Variants in SEMA5B observed in about 807,000 individuals in gnomAD.
The protein encoded by SEMA5B is semaphorin 5B, also known as semaphorin-5B.
A neutral mutation model predicts 135.0 loss-of-function variants in SEMA5B; 66 were observed. The observed-to-expected ratio is 0.49, with a 90% CI of 0.40 to 0.60. The LOEUF is 0.60. Among genes scored for constraint, SEMA5B ranks in the 20% least tolerant of loss-of-function variants. The pLI is 0.00. For missense variants in SEMA5B, 1,501 were observed against 1,566.3 expected (o/e 0.96, Z 0.70); for synonymous variants, 690 against 639.5 (o/e 1.08, Z -1.19).
chr3:122,918,189 G>C (rs1938171578), intron 12 of SEMA5B, among the ~76,000 whole-genome samples: 1 of 152,188 alleles, frequency 6.6e-6, no homozygotes, highest in Admixed American at 6.5e-5. Context: ...TGCCAGCAGA[G>C]AAAATGGGTA....
At chr3:122,939,594 C>A in intron 4 of SEMA5B, 124 bp from the exon 5 acceptor site, 1 of 699,444 alleles carries the variant, frequency 1.4e-6, no homozygotes, top group African/African-American at 1.8e-5. Flanking sequence ...GGGTCAACCC[C>A]TAAGGAGAGC....
In SEMA5B at chr3:122,909,894, G is replaced by A. The variant is rs1030414245; in HGVS notation, c.*249C>T. The A allele has an allele frequency of 7.4e-5, 35 of 475,162 alleles. No homozygotes were observed. Among genetic ancestry groups the A allele is most frequent in the Non-Finnish European group, 1.3e-4 (34 of 266,092 alleles). 29.4% of individuals were successfully genotyped at this position (475,162 alleles called of 1,614,324 possible). A position where few individuals can be genotyped will look rare whatever the true frequency, so the allele number is the denominator to read the frequency against. ...GCAGCATAGTGTCAGCGTGACAGTG[G>A]GTTGGAAGATAACCATGAGAGACCT... On this transcript the variant is annotated 3_prime_UTR_variant, in exon 23 of 23. Coordinates refer to ENST00000357599, the MANE Select transcript of SEMA5B (RefSeq NM_001031702.4).
chr3:122,928,826 G>A (rs1488282087), intron 6 of SEMA5B, among the ~76,000 whole-genome samples, 170 bp downstream of exon 6: 1 of 151,566 alleles, frequency 6.6e-6, no homozygotes, highest in Non-Finnish European at 1.5e-5. Flanking sequence ...CAGATGCTCA[G>A]GACCAGCTCG....
chr3:122,948,418 A>G (rs1171895890), intron 3 of SEMA5B, 88 bp downstream of exon 3: 1 of 1,172,922 alleles, frequency 8.5e-7, no homozygotes, highest in Non-Finnish European at 1.2e-6. Context: ...AGGACATCCA[A>G]CAGCCAGAAA....
chr3:122,968,267 A>G (rs1001988094), intron 1 of SEMA5B, among the ~76,000 whole-genome samples: 1 of 152,192 alleles, frequency 6.6e-6, no homozygotes, highest in Non-Finnish European at 1.5e-5. Context: ...TTCTGCATCT[A>G]TGCCACTCCT....
At chr3:122,942,333 A>G (rs1054522996) in intron 4 of SEMA5B, among the ~76,000 whole-genome samples, 4 of 152,140 alleles carry the variant, frequency 2.6e-5, no homozygotes, top group African/African-American at 9.7e-5. Flanking sequence ...TTCATACAGC[A>G]AATGAAGGGG....
chr3:122,983,654 C>A (rs1027488479), intron 1 of SEMA5B, among the ~76,000 whole-genome samples: 3 of 127,384 alleles, frequency 2.4e-5, no homozygotes, highest in African/African-American at 6.0e-5. Flanking sequence ...GGAGGCGGAG[C>A]TTGCAGTGAA....
chr3:123,010,713 G>A (rs1185864990), intron 1 of SEMA5B, among the ~76,000 whole-genome samples: 1 of 151,602 alleles, frequency 6.6e-6, no homozygotes, highest in Non-Finnish European at 1.5e-5. Flanking sequence ...AGGAGGCTGA[G>A]GCAGGAGGAT....
intron 1 of SEMA5B, among the ~76,000 whole-genome samples, chr3:123,010,513 G>A (rs767788033): frequency 1.1e-4 from 16 of 152,090 alleles, no homozygotes; most frequent in African/African-American, 2.9e-4. Context: ...GAAGTGGTCC[G>A]TTAAAAAATG....
intron 2 of SEMA5B, 30 bp from the exon 3 acceptor site, chr3:122,948,739 C>G (rs117502153): frequency 5.2e-6 from 8 of 1,547,976 alleles, no homozygotes; most frequent in Non-Finnish European, 7.0e-6. Flanking sequence ...TCTCACCAAG[C>G]GCTCCCTCCA....
chr3:122,963,624 G>A (rs938720814), intron 1 of SEMA5B, among the ~76,000 whole-genome samples: 1 of 152,178 alleles, frequency 6.6e-6, no homozygotes, highest in African/African-American at 2.4e-5. Flanking sequence ...TGATATAAGT[G>A]GCTGATTTTG....
chr3:122,927,407 G>A (rs915390701), intron 8 of SEMA5B, among the ~76,000 whole-genome samples: 2 of 152,108 alleles, frequency 1.3e-5, no homozygotes, highest in Admixed American at 1.3e-4. Context: ...TGCCCACGCT[G>A]GTCTCCAACT....
In SEMA5B at chr3:122,912,948, G is replaced by A. The variant is rs1220680086; in HGVS notation, c.2620C>T (p.Arg874Cys). 7 of 1,612,652 alleles carry A rather than the reference G, an allele frequency of 4.3e-6. No homozygotes were observed. Among genetic ancestry groups the A allele is most frequent in the Non-Finnish European group, 5.9e-6 (7 of 1,179,486 alleles). Residue 874 changes from arginine to cysteine, a missense_variant, in exon 18 of 23, where the codon CGC (arginine) becomes TGC (cysteine). Coordinates refer to ENST00000357599, the MANE Select transcript of SEMA5B (RefSeq NM_001031702.4). The stretch of plus-strand genomic sequence containing the variant: ...TTAGTGCACGTTCTCTTGCGGACGC[G>A]GAAGCCCAGCTCGCAGTCCCGGGAG... ...SCSRDCELGF[R>C]VRKRTCTNPE...
At chr3:122,919,777 G>A (rs1291455416) in intron 12 of SEMA5B, among the ~76,000 whole-genome samples, 1 of 152,086 alleles carries the variant, frequency 6.6e-6, no homozygotes, top group Non-Finnish European at 1.5e-5. Context: ...TAGTTTTTTA[G>A]CAGGGTTTTC....
intron 2 of SEMA5B, among the ~76,000 whole-genome samples, chr3:122,955,151 G>C (rs1940231344): frequency 6.6e-6 from 1 of 151,586 alleles, no homozygotes. Flanking sequence ...AAAAAACAAA[G>C]GACGTGACCT....
chr3:122,913,895 C>A lies in SEMA5B; in HGVS notation c.2095G>T (p.Gly699Trp), dbSNP rs1348116098. ...RSCSNPAPRHGGRICVGKSRE... is the reference protein window; with the variant it reads ...RSCSNPAPRHWGRICVGKSRE... ...CTCTTGCCCACGCAGATGCGGCCCCCGTGGCGGGGAGCAGGGTTGCTGCAA... is the reference window on the plus strand; with the variant it reads ...CTCTTGCCCACGCAGATGCGGCCCCAGTGGCGGGGAGCAGGGTTGCTGCAA... Residue 699 changes from glycine (G) to tryptophan (W), a missense_variant, in exon 15 of 23, where the codon GGG becomes TGG. Physicochemically the swap from Gly to Trp is radical, Grantham distance 184. Transcript: ENST00000357599. 1.2e-6 allele frequency: 2 copies of A among 1,612,374 alleles called. No homozygotes were observed. The highest frequency in any genetic ancestry group is 1.7e-6 in the Non-Finnish European group (2 of 1,179,458).
intron 1 of SEMA5B, among the ~76,000 whole-genome samples, chr3:123,020,705 G>A (rs764205324): frequency 7.2e-5 from 11 of 152,200 alleles, no homozygotes; most frequent in Non-Finnish European, 1.3e-4. Flanking sequence ...CAGTGCCCAG[G>A]CTCCCCCCGC....
rs565384052 is a variant in SEMA5B, at chr3:122,941,645, G to A, written c.428+1791C>T. 5.9e-5 allele frequency among the ~76,000 whole-genome samples: 9 copies of A among 152,376 alleles called. No homozygotes were observed. The East Asian group carries it at 1.5e-3, about 26-fold the overall frequency. Reference sequence around the variant, plus strand: ...CATATAAAATAGTGCCTGGCACATGGCCGGTGCGGAATAAATGGCAGCTTT... The same window carrying A: ...CATATAAAATAGTGCCTGGCACATGACCGGTGCGGAATAAATGGCAGCTTT... On this transcript the variant is annotated intron_variant, in intron 4 of 22. Coordinates refer to ENST00000357599, the MANE Select transcript of SEMA5B (RefSeq NM_001031702.4).
At chr3:122,928,417 G>T in intron 7 of SEMA5B, 100 bp downstream of exon 7, 1 of 844,398 alleles carries the variant, frequency 1.2e-6, no homozygotes, top group Non-Finnish European at 1.8e-6. Flanking sequence ...TTGGGTGTCT[G>T]TTTGCAAAAT....
Sources: gnomAD v4.1 joint callset for allele counts (sites outside exome capture counted in the v4.1 genomes callset) on GRCh38, gnomAD v4.1.1 for gene constraint, MANE v1.5 for transcripts, NCBI Gene and HGNC (gene_info 2026-07-23, HGNC 2026-07-21) for gene names.